OCA2: variants seen among roughly 807,000 people sequenced by gnomAD.
The protein encoded by OCA2 is P protein.
In OCA2, 77 loss-of-function variants were observed where a neutral mutation model predicts 100.2. That is an observed-to-expected ratio of 0.77 (90% confidence interval 0.64 to 0.93). The LOEUF is 0.93. Among genes scored for constraint, OCA2 ranks in the 40% least tolerant of loss-of-function variants. The pLI is 0.00. For missense variants in OCA2, 1,062 were observed against 1,089.1 expected (o/e 0.98, Z 0.35); for synonymous variants, 432 against 439.2 (o/e 0.98, Z 0.21).
chr15:27,765,435 C>T (rs932943776), intron 23 of OCA2, among the ~76,000 whole-genome samples: 3 of 152,200 alleles, frequency 2.0e-5, no homozygotes, highest in African/African-American at 7.2e-5. Flanking sequence ...CCTATAACTC[C>T]ATGATTTAGC....
intron 23 of OCA2, among the ~76,000 whole-genome samples, chr15:27,829,063 T>A (rs760034233): frequency 1.6e-4 from 25 of 152,126 alleles, no homozygotes; most frequent in Non-Finnish European, 3.1e-4. Flanking sequence ...GGGGAGGCAG[T>A]AGCCAAGGAA....
intron 2 of OCA2, among the ~76,000 whole-genome samples, chr15:28,056,306 C>CAT (rs1476331253): frequency 2.0e-5 from 3 of 152,230 alleles, no homozygotes; most frequent in Non-Finnish European, 4.4e-5. Flanking sequence ...ACAGGAGCCT[C>CAT]TCTTCTTGAG....
the OCA2 span, among the ~76,000 whole-genome samples, chr15:27,720,506 A>C: frequency 6.6e-6 from 1 of 150,920 alleles, no homozygotes; most frequent in African/African-American, 2.4e-5. Context: ...TCTATGAAGA[A>C]GCTGTATAAA....
At chr15:28,046,169 T>C (rs1221826158) in intron 2 of OCA2, among the ~76,000 whole-genome samples, 1 of 152,122 alleles carries the variant, frequency 6.6e-6, no homozygotes, top group East Asian at 1.9e-4. Flanking sequence ...CCAGATGGAC[T>C]TTACCCGCAG....
At chr15:28,016,776 C>T (rs762616657) in intron 7 of OCA2, among the ~76,000 whole-genome samples, 30 of 152,044 alleles carry the variant, frequency 2.0e-4, no homozygotes, top group Non-Finnish European at 3.5e-4. Flanking sequence ...GTGAGACCCC[C>T]GACTCTAAAA....
chr15:28,033,546 G>T (rs934134682), intron 2 of OCA2, among the ~76,000 whole-genome samples: 1 of 152,172 alleles, frequency 6.6e-6, no homozygotes, highest in African/African-American at 2.4e-5. Context: ...TCTGTCTGGG[G>T]CCAGTGAATA....
intron 1 of OCA2, among the ~76,000 whole-genome samples, chr15:28,083,414 T>C (rs1187194695): frequency 6.6e-6 from 1 of 152,234 alleles, no homozygotes; most frequent in Non-Finnish European, 1.5e-5. Flanking sequence ...CTGAGAGTGA[T>C]CACTCACAAA....
intron 2 of OCA2, among the ~76,000 whole-genome samples, chr15:28,046,502 G>A (rs1038237965): frequency 6.6e-6 from 1 of 152,128 alleles, no homozygotes; most frequent in Non-Finnish European, 1.5e-5. Flanking sequence ...AGGAAAGGGA[G>A]GACTGAAGAA....
At chr15:27,958,061 G>T (rs1471243321) in intron 15 of OCA2, among the ~76,000 whole-genome samples, 1 of 152,192 alleles carries the variant, frequency 6.6e-6, no homozygotes, top group Non-Finnish European at 1.5e-5. Flanking sequence ...TGGGGTGGGG[G>T]TAGGGGGCAG....
At chr15:27,774,495 T>C (rs1285582534) in intron 23 of OCA2, among the ~76,000 whole-genome samples, 1 of 152,216 alleles carries the variant, frequency 6.6e-6, no homozygotes, top group Admixed American at 6.5e-5. Context: ...GCAGGCAGCT[T>C]CTTGGTGTAG....
intron 18 of OCA2, among the ~76,000 whole-genome samples, chr15:27,940,914 T>C (rs923301639): frequency 2.6e-5 from 4 of 152,240 alleles, no homozygotes; most frequent in African/African-American, 9.6e-5. Context: ...AGATTATTAA[T>C]GTTGAGGAAT....
At chr15:27,864,030 C>A (rs1035842752) in intron 21 of OCA2, among the ~76,000 whole-genome samples, 36 of 151,994 alleles carry the variant, frequency 2.4e-4, no homozygotes, top group Admixed American at 6.5e-4. Flanking sequence ...GGTCTGTGGA[C>A]CATGGAAGAT....
chr15:27,864,071 C>T (rs1231809943), intron 21 of OCA2, among the ~76,000 whole-genome samples: 1 of 152,074 alleles, frequency 6.6e-6, no homozygotes, highest in East Asian at 1.9e-4. Flanking sequence ...CCGGCAGTGC[C>T]CCTCTGAGGC....
At chr15:27,792,047 C>T (rs1366316408) in intron 23 of OCA2, among the ~76,000 whole-genome samples, 3 of 152,156 alleles carry the variant, frequency 2.0e-5, no homozygotes, top group Non-Finnish European at 4.4e-5. Context: ...TCACAGCCTG[C>T]GGTGAGAAGT....
chr15:27,850,180 T>C (rs1488932378), intron 22 of OCA2, among the ~76,000 whole-genome samples: 1 of 152,232 alleles, frequency 6.6e-6, no homozygotes, highest in Non-Finnish European at 1.5e-5. Flanking sequence ...CTGTATGACC[T>C]GGCTTCACAC....
At chr15:28,024,769 C>G (rs2042697951) in intron 5 of OCA2, 76 bp downstream of exon 5, 1 of 1,468,584 alleles carries the variant, frequency 6.8e-7, no homozygotes, top group East Asian at 2.3e-5. Flanking sequence ...ACCTCAGGTT[C>G]CCCCTGCTAT....
At chr15:27,808,834 C>T (rs2033961779) in intron 23 of OCA2, among the ~76,000 whole-genome samples, 1 of 152,316 alleles carries the variant, frequency 6.6e-6, no homozygotes, top group South Asian at 2.1e-4. Context: ...CAAGCTTAGG[C>T]TGGCCTATGT....
intron 19 of OCA2, among the ~76,000 whole-genome samples, chr15:27,908,615 A>G (rs2038267923): frequency 6.6e-6 from 1 of 152,072 alleles, no homozygotes; most frequent in Non-Finnish European, 1.5e-5. Flanking sequence ...ATAAGGGGAA[A>G]AGACGAATGT....
chr15:27,861,459 C>T (rs944103122), intron 21 of OCA2, among the ~76,000 whole-genome samples: 2 of 151,990 alleles, frequency 1.3e-5, no homozygotes, highest in Non-Finnish European at 2.9e-5. Context: ...CCCCTGCAGC[C>T]GTGAGTCTAG....
Sources: gnomAD v4.1 joint callset for allele counts (sites outside exome capture counted in the v4.1 genomes callset) on GRCh38, gnomAD v4.1.1 for gene constraint, MANE v1.5 for transcripts, NCBI Gene and HGNC (gene_info 2026-07-23, HGNC 2026-07-21) for gene names.